Variants in RNF168 observed in about 807,000 individuals in gnomAD.
RNF168 encodes ring finger protein 168, also known as E3 ubiquitin-protein ligase RNF168.
In RNF168, 34 loss-of-function variants were observed where a neutral mutation model predicts 34.9. That is an observed-to-expected ratio of 0.97 (90% confidence interval 0.74 to 1.30). The LOEUF (loss-of-function observed/expected upper bound fraction) is 1.30, where lower values mean the gene tolerates loss of function less well. RNF168 is among the 50% of genes most tolerant of loss of function. The pLI, the probability that RNF168 is intolerant of heterozygous loss-of-function variation, is 0.00. For synonymous variants in RNF168, 264 were observed against 254.7 expected (o/e 1.04, Z -0.35); for missense variants, 725 against 682.5 (o/e 1.06, Z -0.69).
chr3:196,487,422 C>G lies in RNF168; in HGVS notation c.535G>C (p.Ala179Pro). 6.2e-7 allele frequency: 1 copy of G among 1,614,116 alleles called. No individual in the cohort carries two copies. Among genetic ancestry groups the G allele is most frequent in the Non-Finnish European group, 8.5e-7 (1 of 1,179,964 alleles). ...ACAATATCAATGCTTAGCTTTCTTG[C>G]CAGTTCCTCATCACTTTTCAGTTGT... is the stretch of plus-strand genomic sequence containing the variant. ...EEQLKSDEEL[A>P]RKLSIDINNF... Residue 179 changes from alanine to proline, a missense_variant, in exon 3 of 6, where the codon GCA (alanine) becomes CCA (proline). Coordinates refer to ENST00000318037, the MANE Select transcript of RNF168 (RefSeq NM_152617.4).
intron 1 of RNF168, among the ~76,000 whole-genome samples, chr3:196,493,015 C>T (rs1490344949): frequency 6.6e-6 from 1 of 152,014 alleles, no homozygotes; most frequent in Non-Finnish European, 1.5e-5. Flanking sequence ...CTAAGAAGAA[C>T]ATATGAGATA....
At position 196,484,038 on chromosome 3, in the gene RNF168, A is replaced by C. The variant is rs890090836; in HGVS notation, c.559-147T>G. ...TCTGTACATCTCTTGAAGAATATTGACCATGCAAAAATCAGAATAAACTAT... is the reference window on the plus strand; with the variant it reads ...TCTGTACATCTCTTGAAGAATATTGCCCATGCAAAAATCAGAATAAACTAT... On this transcript the variant is annotated intron_variant, in intron 3 of 5. Coordinates refer to ENST00000318037, the MANE Select transcript of RNF168 (RefSeq NM_152617.4). 5 of 672,184 alleles carry C rather than the reference A, an allele frequency of 7.4e-6. No individual in the cohort carries two copies. The Admixed American group carries it at 7.7e-5, about 10-fold the overall frequency. The allele number at this position is 672,184 out of a possible 1,614,324, so 41.6% of individuals were successfully genotyped here. A position where few individuals can be genotyped will look rare whatever the true frequency, so the allele number is the denominator to read the frequency against.
intron 1 of RNF168, among the ~76,000 whole-genome samples, chr3:196,501,723 ATATTT>A (rs1408832867): frequency 6.6e-6 from 1 of 152,192 alleles, no homozygotes; most frequent in Non-Finnish European, 1.5e-5. Flanking sequence ...ATTTTGGACA[ATATTT>A]TAAAAATAAC....
intron 1 of RNF168, among the ~76,000 whole-genome samples, chr3:196,502,354 A>C (rs987677909): frequency 6.6e-6 from 1 of 152,182 alleles, no homozygotes; most frequent in African/African-American, 2.4e-5. Context: ...TGGCAGGCCG[A>C]GGCGGGCGGA....
At chr3:196,498,667 G>A (rs1732806711) in intron 1 of RNF168, among the ~76,000 whole-genome samples, 1 of 150,930 alleles carries the variant, frequency 6.6e-6, no homozygotes, top group African/African-American at 2.4e-5. Context: ...AGTCAATGGT[G>A]GAATAATACT....
chr3:196,478,779 G>A (rs1216063604), intron 4 of RNF168, among the ~76,000 whole-genome samples: 2 of 150,172 alleles, frequency 1.3e-5, no homozygotes, highest in South Asian at 2.1e-4. Context: ...CAACTCTCCT[G>A]CCTCAGCCTC....
chr3:196,480,557 G>A (rs1732262303), intron 4 of RNF168, among the ~76,000 whole-genome samples: 1 of 152,234 alleles, frequency 6.6e-6, no homozygotes, highest in Non-Finnish European at 1.5e-5. Flanking sequence ...ATCAGTCTGA[G>A]GAGATCTGAC....
At chr3:196,502,418 C>T (rs1200317337) in intron 1 of RNF168, among the ~76,000 whole-genome samples, 2 of 152,000 alleles carry the variant, frequency 1.3e-5, no homozygotes, top group Admixed American at 6.6e-5. Context: ...GAAATCCCGT[C>T]TCTACTAAAA....
chr3:196,485,653 TAA>T (rs942217526), intron 3 of RNF168, among the ~76,000 whole-genome samples: 4 of 152,046 alleles, frequency 2.6e-5, no homozygotes, highest in Non-Finnish European at 5.9e-5. Flanking sequence ...CGATTCTACT[TAA>T]AAAAGACACA....
intron 1 of RNF168, among the ~76,000 whole-genome samples, chr3:196,501,315 G>GA (rs529952779): frequency 4.1e-4 from 63 of 152,086 alleles, no homozygotes; most frequent in African/African-American, 1.5e-3. Flanking sequence ...ACGAAAAGGT[G>GA]AAAAAAACCA....
chr3:196,481,685 T>G (rs1397463324), intron 4 of RNF168, among the ~76,000 whole-genome samples: 4 of 27,660 alleles, frequency 1.4e-4, no homozygotes, highest in South Asian at 1.1e-3. Context: ...CAGCTGCGTT[T>G]TTTTTTTTTT....
chr3:196,482,101 C>A (rs1030334106), intron 4 of RNF168, among the ~76,000 whole-genome samples: 3 of 152,016 alleles, frequency 2.0e-5, no homozygotes, highest in Non-Finnish European at 4.4e-5. Flanking sequence ...GCCACAACAC[C>A]TGGCTGCCCT....
chr3:196,490,730 T>C (rs183156307), intron 1 of RNF168, among the ~76,000 whole-genome samples: 221 of 152,286 alleles, frequency 1.5e-3, no homozygotes, highest in African/African-American at 5.2e-3. Context: ...GGCCAGCAGT[T>C]TGAAAAATCT....
At chr3:196,482,933 T>G (rs1434086876) in intron 4 of RNF168, among the ~76,000 whole-genome samples, 1 of 152,114 alleles carries the variant, frequency 6.6e-6, no homozygotes, top group Non-Finnish European at 1.5e-5. Flanking sequence ...CTCTGGTAAT[T>G]TTTTATTTTT....
chr3:196,481,682 GTTTTTTTTTTT>G (rs34739638), intron 4 of RNF168, among the ~76,000 whole-genome samples: 4 of 62,360 alleles, frequency 6.4e-5, no homozygotes, highest in Non-Finnish European at 8.5e-5. Context: ...TTTCAGCTGC[GTTTTTTTTTTT>G]TTTTTTTTTT....
At chr3:196,487,604 T>G (rs1196180735) in intron 2 of RNF168, 26 bp from the exon 3 acceptor site, 2 of 1,609,476 alleles carry the variant, frequency 1.2e-6, no homozygotes, top group South Asian at 2.2e-5. Context: ...TAAAGAGCAA[T>G]CCTTCTCTGA....
Position 196,483,860 on chromosome 3 carries a change from G to A in RNF168, c.590C>T (p.Ser197Phe), listed in dbSNP as rs1219924279. ...ATCAGATTTTCTGGAATTCAAGGGA[G>A]AAGCCGAGATACTTCCCTCACAGAA... is the stretch of plus-strand genomic sequence containing the variant. ...NNFCEGSISASPLNSRKSDPV... is the reference protein window; with the variant it reads ...NNFCEGSISAFPLNSRKSDPV... The change falls in exon 4 of 6, where the codon TCT (serine) becomes TTT (phenylalanine). Residue 197 changes from serine to phenylalanine, a missense_variant. By Grantham distance (155) the Ser-to-Phe change is radical (BLOSUM62 -2). Transcript: ENST00000318037. 1 of 1,609,952 alleles carries A rather than the reference G, an allele frequency of 6.2e-7. No homozygotes were observed. The highest frequency in any genetic ancestry group is 8.5e-7 in the Non-Finnish European group (1 of 1,176,220).
In RNF168 at chr3:196,479,380, C is replaced by T. The variant is rs141568113; in HGVS notation, c.681-4068G>A. On this transcript the variant is annotated intron_variant, in intron 4 of 5. Transcript: ENST00000318037. ...AGTGCAGTAGCACCATCATAGCTCA[C>T]GGCAGCCTTGACCTCCCAGGTTCAC... Among the ~76,000 whole-genome samples the T allele has an allele frequency of 6.6e-5, 10 of 152,100 alleles. No homozygotes were observed. The East Asian group carries it at 1.2e-3, about 18-fold the overall frequency.
Position 196,481,469 on chromosome 3 carries a change from T to G in RNF168, c.680+2301A>C, listed in dbSNP as rs952116075. 5.3e-5 allele frequency among the ~76,000 whole-genome samples: 8 copies of G among 152,090 alleles called. No homozygotes were observed. The South Asian group carries it at 1.4e-3, about 28-fold the overall frequency. ...AAAAAAAAAGGAAATAATTTCGATG[T>G]TCCACTATGAAGTATGATATGTGAT... On this transcript the variant is annotated intron_variant, in intron 4 of 5. Coordinates refer to ENST00000318037, the MANE Select transcript of RNF168 (RefSeq NM_152617.4).
Sources: gnomAD v4.1 joint callset for allele counts (sites outside exome capture counted in the v4.1 genomes callset) on GRCh38, gnomAD v4.1.1 for gene constraint, MANE v1.5 for transcripts, NCBI Gene and HGNC (gene_info 2026-07-23, HGNC 2026-07-21) for gene names.